The following KIRREL1 variants were observed in gnomAD, a reference collection of about 807,000 sequenced individuals.
KIRREL1 encodes kirre like nephrin family adhesion molecule 1, also known as kin of IRRE-like protein 1.
In KIRREL1, 25 loss-of-function variants were observed where a neutral mutation model predicts 83.3. That is an observed-to-expected ratio of 0.30 (90% CI 0.22 to 0.42). KIRREL1 has a LOEUF of 0.42. Ranked by LOEUF, KIRREL1 falls within the 10% of genes least tolerant of loss-of-function variation. The pLI is 1.00. For missense variants in KIRREL1, 812 were observed against 1,032.3 expected (o/e 0.79, Z 2.92); for synonymous variants, 388 against 410.4 (o/e 0.95, Z 0.66).
At chr1:158,055,108 C>T (rs1317742338) in intron 1 of KIRREL1, among the ~76,000 whole-genome samples, 1 of 152,130 alleles carries the variant, frequency 6.6e-6, no homozygotes, top group Non-Finnish European at 1.5e-5. Flanking sequence ...CACTAAGCAC[C>T]TGCACTTGGG....
chr1:158,057,249 C>T (rs1570960122), intron 1 of KIRREL1, among the ~76,000 whole-genome samples: 1 of 152,062 alleles, frequency 6.6e-6, no homozygotes, highest in African/African-American at 2.4e-5. Flanking sequence ...GTGGGATGGT[C>T]TCTGCAGGAT....
chr1:158,033,273 T>C (rs1484074893), intron 1 of KIRREL1, among the ~76,000 whole-genome samples: 2 of 152,156 alleles, frequency 1.3e-5, no homozygotes, highest in African/African-American at 4.8e-5. Flanking sequence ...GGTTTCACCA[T>C]GTTGACCAGG....
intron 2 of KIRREL1, among the ~76,000 whole-genome samples, chr1:158,076,706 C>G (rs1453900460): frequency 6.6e-6 from 1 of 152,232 alleles, no homozygotes; most frequent in Admixed American, 6.5e-5. Context: ...CCCCGCTGCC[C>G]AGGCGATGTC....
chr1:158,002,352 G>A (rs149977534), intron 1 of KIRREL1, among the ~76,000 whole-genome samples: 75 of 152,330 alleles, frequency 4.9e-4, no homozygotes, highest in Middle Eastern at 3.4e-3. Context: ...GGGCCCATCC[G>A]GGTTTAGTCC....
Position 158,086,712 on chromosome 1 carries a change from T to A in KIRREL1, c.627T>A (p.Ser209Arg), listed in dbSNP as rs1352805312. 1.3e-6 allele frequency: 2 copies of A among 1,550,906 alleles called. No homozygotes were observed. The highest frequency in any genetic ancestry group is 4.9e-5 in the East Asian group (2 of 40,808). Reference protein sequence around the residue: ...TCRSMNEAIPSGKETSIELDV... With the variant: ...TCRSMNEAIPRGKETSIELDV... ...GAAGCATGAACGAAGCCATCCCTAG[T>A]GGCAAGGAGACTTCCATCGAGCTGG... The change falls in exon 5 of 15, where the codon AGT (serine) becomes AGA (arginine). Residue 209 changes from serine to arginine, a missense_variant. By Grantham distance (110) the Ser-to-Arg change is moderately radical. Transcript: ENST00000359209.
At chr1:158,065,487 C>T (rs1164717289) in intron 1 of KIRREL1, among the ~76,000 whole-genome samples, 1 of 152,038 alleles carries the variant, frequency 6.6e-6, no homozygotes, top group Non-Finnish European at 1.5e-5. Flanking sequence ...TTTGTGCCTG[C>T]CCAGGAAAAG....
At chr1:158,018,277 G>A (rs567673994) in intron 1 of KIRREL1, among the ~76,000 whole-genome samples, 3 of 152,246 alleles carry the variant, frequency 2.0e-5, no homozygotes, top group South Asian at 2.1e-4. Context: ...CTGGTGTGCC[G>A]CACCACACCA....
At chr1:158,047,701 A>C (rs1392960205) in intron 1 of KIRREL1, among the ~76,000 whole-genome samples, 1 of 152,068 alleles carries the variant, frequency 6.6e-6, no homozygotes, top group Non-Finnish European at 1.5e-5. Context: ...AGCCTTGCCT[A>C]AGGTCACTTC....
In KIRREL1 at chr1:158,099,210, G is replaced by A. The variant is rs1008207532; in HGVS notation, c.*4090G>A. 9 of 152,246 alleles carry A rather than the reference G, an allele frequency of 5.9e-5. No homozygotes were observed. Among genetic ancestry groups the A allele is most frequent in the Admixed American group, 1.3e-4 (2 of 15,290 alleles). The allele number at this position is 152,246 out of a possible 1,614,324, so 9.4% of individuals were successfully genotyped here. A position where few individuals can be genotyped will look rare whatever the true frequency, so the allele number is the denominator to read the frequency against. ...TGTGCATGTTGAGAATTGCCCAAAA[G>A]GATTAGTGAAGCTCCTGACCCTGGC... On this transcript the variant is annotated 3_prime_UTR_variant, in exon 15 of 15. Coordinates refer to ENST00000359209, the MANE Select transcript of KIRREL1 (RefSeq NM_018240.7).
chr1:158,030,315 TAC>T (rs1660289160), intron 1 of KIRREL1, among the ~76,000 whole-genome samples: 1 of 152,276 alleles, frequency 6.6e-6, no homozygotes, highest in African/African-American at 2.4e-5. Context: ...CACCCTCACA[TAC>T]ACATGCCATT....
intron 1 of KIRREL1, among the ~76,000 whole-genome samples, chr1:158,010,674 T>C (rs1659662816): frequency 6.6e-6 from 1 of 152,158 alleles, no homozygotes; most frequent in Admixed American, 6.5e-5. Flanking sequence ...TTTCTTCTCT[T>C]TTTCTGGGAA....
At chr1:158,032,315 A>G (rs1259215527) in intron 1 of KIRREL1, among the ~76,000 whole-genome samples, 3 of 152,094 alleles carry the variant, frequency 2.0e-5, no homozygotes, top group African/African-American at 4.8e-5. Context: ...TGAAGCAGGA[A>G]GTTCAGGCTT....
chr1:157,993,735 G>A lies in KIRREL1; in HGVS notation c.52+7G>A, dbSNP rs1200525412. On this transcript the variant is annotated splice_region_variant and intron_variant, in intron 1 of 14. Coordinates refer to ENST00000359209, the MANE Select transcript of KIRREL1 (RefSeq NM_018240.7). ...TCCGATACTTTCTCCCAAGGTAAGG[G>A]CCCCCAGCCCACCCCCGGACGCTCG... The A allele has an allele frequency of 1.3e-6, 2 of 1,487,354 alleles. No homozygotes were observed. Among genetic ancestry groups the A allele is most frequent in the Non-Finnish European group, 9.0e-7 (1 of 1,115,520 alleles). The allele number at this position is 1,487,354 out of a possible 1,614,324, so 92.1% of individuals were successfully genotyped here. A position where few individuals can be genotyped will look rare whatever the true frequency, so the allele number is the denominator to read the frequency against.
intron 8 of KIRREL1, among the ~76,000 whole-genome samples, chr1:158,088,878 T>C (rs2101640826): frequency 6.6e-6 from 1 of 152,218 alleles, no homozygotes; most frequent in African/African-American, 2.4e-5. Context: ...GGGCTATTTC[T>C]AGGGTCTTGG....
At chr1:158,010,326 A>ACACAC (rs1659635529) in intron 1 of KIRREL1, among the ~76,000 whole-genome samples, 2 of 72,208 alleles carry the variant, frequency 2.8e-5, no homozygotes, top group African/African-American at 8.3e-5. Context: ...CCCCACCATA[A>ACACAC]ACACACACAC....
intron 1 of KIRREL1, among the ~76,000 whole-genome samples, chr1:158,034,280 AAAAAAAG>A (rs1246505406): frequency 4.6e-5 from 6 of 131,372 alleles, no homozygotes; most frequent in African/African-American, 1.4e-4. Context: ...AAAAAAAAAA[AAAAAAAG>A]AAAAAAAGAA....
intron 1 of KIRREL1, among the ~76,000 whole-genome samples, chr1:158,011,540 G>A (rs1659687654): frequency 6.6e-6 from 1 of 152,312 alleles, no homozygotes; most frequent in East Asian, 1.9e-4. Flanking sequence ...TGTGGGAGGG[G>A]TTGGAGGCAT....
chr1:158,044,377 T>C lies in KIRREL1; in HGVS notation c.53-31736T>C, dbSNP rs1660718844. Among the ~76,000 whole-genome samples the C allele has an allele frequency of 2.6e-5, 4 of 152,224 alleles. No homozygotes were observed. The South Asian group carries it at 8.3e-4, about 32-fold the overall frequency. On this transcript the variant is annotated intron_variant, in intron 1 of 14. Coordinates refer to ENST00000359209, the MANE Select transcript of KIRREL1 (RefSeq NM_018240.7). The stretch of plus-strand genomic sequence containing the variant: ...TTCCATCCTCTCTGGACACTCACTT[T>C]AATGAGAAGCGGACAAACTGGACTT...
chr1:158,052,461 A>G (rs1414685616), intron 1 of KIRREL1, among the ~76,000 whole-genome samples: 1 of 152,142 alleles, frequency 6.6e-6, no homozygotes, highest in Non-Finnish European at 1.5e-5. Context: ...ATAAAGGAAT[A>G]CTGGAGGCTG....
Sources: gnomAD v4.1 joint callset for allele counts (sites outside exome capture counted in the v4.1 genomes callset) on GRCh38, gnomAD v4.1.1 for gene constraint, MANE v1.5 for transcripts, NCBI Gene and HGNC (gene_info 2026-07-23, HGNC 2026-07-21) for gene names.